CDH2: variants seen among roughly 807,000 people sequenced by gnomAD.
CDH2 encodes cadherin-2.
In CDH2, 17 loss-of-function variants were observed where a neutral mutation model predicts 92.0. That is an observed-to-expected ratio of 0.18 (90% CI 0.13 to 0.28). CDH2 has a LOEUF of 0.28. Among genes scored for constraint, CDH2 ranks in the 10% least tolerant of loss-of-function variants. The pLI, the probability that CDH2 is intolerant of heterozygous loss-of-function variation, is 1.00. For missense variants in CDH2, 862 were observed against 1,133.1 expected (o/e 0.76, Z 3.44); for synonymous variants, 419 against 415.9 (o/e 1.01, Z -0.09).
At chr18:28,024,103 C>T (rs947121689) in intron 2 of CDH2, among the ~76,000 whole-genome samples, 3 of 152,108 alleles carry the variant, frequency 2.0e-5, no homozygotes, top group African/African-American at 7.2e-5. Flanking sequence ...AAACTACTTA[C>T]GTCTAAGATG....
chr18:27,983,086 A>G lies in CDH2; in HGVS notation c.2210-3T>C, dbSNP rs754834130. The G allele has an allele frequency of 1.9e-6, 3 of 1,604,056 alleles. No homozygotes were observed. The African/African-American group carries it at 4.0e-5, about 22-fold the overall frequency. ...TACCACAAACATCAGCACAAGGACT[A>G]GGTAGAAAAATAGTAAAAATACATA... is the stretch of plus-strand genomic sequence containing the variant. On this transcript the variant is annotated splice_polypyrimidine_tract_variant and splice_region_variant and intron_variant, in intron 13 of 15. Transcript: ENST00000269141.
At chr18:27,992,516 A>C (rs1261850592) in intron 9 of CDH2, 139 bp downstream of exon 9, 1 of 630,320 alleles carries the variant, frequency 1.6e-6, no homozygotes, top group East Asian at 2.8e-5. Context: ...ATAACCTCCC[A>C]AATATATATC....
intron 2 of CDH2, chr18:28,036,705 T>C (rs1443643917): frequency 8.0e-6 from 5 of 621,784 alleles, no homozygotes; most frequent in African/African-American, 1.8e-5. Flanking sequence ...AAAACAGAGA[T>C]TGGGTGGCTC....
chr18:28,149,843 T>C (rs1028849292), intron 1 of CDH2, among the ~76,000 whole-genome samples: 1 of 152,202 alleles, frequency 6.6e-6, no homozygotes, highest in Non-Finnish European at 1.5e-5. Flanking sequence ...AGGTACAAAT[T>C]ACAGTATTCA....
intron 14 of CDH2, among the ~76,000 whole-genome samples, chr18:27,979,821 T>C (rs1369739465): frequency 1.3e-5 from 2 of 152,166 alleles, no homozygotes; most frequent in Admixed American, 6.5e-5. Flanking sequence ...AACCACCTGT[T>C]TGTGGGTATA....
At chr18:28,043,461 A>AATAAATATATATATATATATATAT (rs1305925743) in intron 2 of CDH2, among the ~76,000 whole-genome samples, 1 of 71,990 alleles carries the variant, frequency 1.4e-5, no homozygotes, top group African/African-American at 5.8e-5. Context: ...GATATAAATA[A>AATAAATATATATATATATATATAT]ATATATATAT....
At chr18:28,136,768 C>A (rs2015869226) in intron 2 of CDH2, among the ~76,000 whole-genome samples, 1 of 152,110 alleles carries the variant, frequency 6.6e-6, no homozygotes, top group African/African-American at 2.4e-5. Context: ...ATCTGTATTT[C>A]TGTTGTGGAA....
chr18:28,003,228 A>ATACCTTCTATTTTG, intron 6 of CDH2, 59 bp from the exon 7 acceptor site: 1 of 1,310,072 alleles, frequency 7.6e-7, no homozygotes, highest in Non-Finnish European at 1.1e-6. Flanking sequence ...ACCCCAAAAT[A>ATACCTTCTATTTTG]GAAGGTATAT....
intron 14 of CDH2, among the ~76,000 whole-genome samples, chr18:27,974,694 C>T (rs1350374846): frequency 6.6e-6 from 1 of 152,120 alleles, no homozygotes; most frequent in Non-Finnish European, 1.5e-5. Context: ...GTGATTAGGT[C>T]ATGAGGGTGG....
chr18:27,958,441 T>C (rs1053023803), intron 15 of CDH2, among the ~76,000 whole-genome samples: 4 of 151,580 alleles, frequency 2.6e-5, no homozygotes, highest in African/African-American at 9.7e-5. Context: ...TGAATACATA[T>C]ATACACACAT....
chr18:28,152,595 T>A (rs1024905264), intron 1 of CDH2, among the ~76,000 whole-genome samples: 6 of 152,114 alleles, frequency 3.9e-5, no homozygotes, highest in African/African-American at 1.4e-4. Flanking sequence ...ATGAGTTCAG[T>A]GTCGCCGGAG....
At chr18:27,997,325 A>G (rs538451068) in intron 7 of CDH2, among the ~76,000 whole-genome samples, 1 of 152,202 alleles carries the variant, frequency 6.6e-6, no homozygotes, top group Admixed American at 6.5e-5. Flanking sequence ...GCAATGGAGT[A>G]TTTACTTGGG....
chr18:28,131,857 T>C (rs1293981261), intron 2 of CDH2, among the ~76,000 whole-genome samples: 1 of 152,184 alleles, frequency 6.6e-6, no homozygotes, highest in African/African-American at 2.4e-5. Context: ...CTGCAATAGA[T>C]ATTACTCCCC....
intron 15 of CDH2, among the ~76,000 whole-genome samples, chr18:27,955,369 T>TAAAAAAAAAAAAAA (rs760993428): frequency 3.2e-5 from 1 of 30,974 alleles, no homozygotes; most frequent in African/African-American, 1.0e-4. Flanking sequence ...AGTATAATAG[T>TAAAAAAAAAAAAAA]AAAAAAAAAA....
chr18:28,122,601 T>C (rs1053459077), intron 2 of CDH2, among the ~76,000 whole-genome samples: 4 of 152,180 alleles, frequency 2.6e-5, no homozygotes, highest in African/African-American at 9.6e-5. Context: ...TCTAGAATTC[T>C]ATTAGTCTTT....
At chr18:28,171,819 G>A (rs1168477620) in intron 1 of CDH2, among the ~76,000 whole-genome samples, 1 of 152,096 alleles carries the variant, frequency 6.6e-6, no homozygotes, top group East Asian at 1.9e-4. Context: ...AGGAAAATGA[G>A]GTCACGGGAC....
At position 28,087,484 on chromosome 18, in the gene CDH2, G is replaced by A. The variant is rs72882702; in HGVS notation, c.172+60189C>T. Among the ~76,000 whole-genome samples, 444 of 152,196 alleles carry A rather than the reference G, an allele frequency of 2.9e-3. 1 individual carries two copies. The highest frequency in any genetic ancestry group is 5.2e-3 in the Non-Finnish European group (352 of 68,020). ...CCAACACAAACAAACTGCAGAGGCT[G>A]AACTCCACTGGCATCGTGCCGTCCT... On this transcript the variant is annotated intron_variant, in intron 2 of 15. Transcript: ENST00000269141.
At chr18:27,964,546 G>A (rs1159432222) in intron 14 of CDH2, among the ~76,000 whole-genome samples, 1 of 152,156 alleles carries the variant, frequency 6.6e-6, no homozygotes, top group Non-Finnish European at 1.5e-5. Flanking sequence ...TCTTAGTTCA[G>A]GCTTCATCTC....
In CDH2 at chr18:27,993,645, G is replaced by C; in HGVS notation, c.1021-8C>G. 5 of 1,600,370 alleles carry C rather than the reference G, an allele frequency of 3.1e-6. No individual in the cohort carries two copies. The highest frequency in any genetic ancestry group is 4.3e-6 in the Non-Finnish European group (5 of 1,169,942). ...CGTATACTGTTGCACTTTCTAAAAA[G>C]ACATAAAGATAAGAACTTAAATGAA... On this transcript the variant is annotated splice_polypyrimidine_tract_variant and splice_region_variant and intron_variant, in intron 7 of 15. Transcript: ENST00000269141.
Sources: allele counts gnomAD v4.1 joint callset (sites outside exome capture counted in the v4.1 genomes callset), GRCh38; gene constraint gnomAD v4.1.1; transcripts MANE v1.5; gene names NCBI Gene and HGNC (gene_info 2026-07-23, HGNC 2026-07-21).